Variants in NDUFAF6 observed in about 807,000 individuals in gnomAD.
NDUFAF6 encodes the protein NADH:ubiquinone oxidoreductase complex assembly factor 6.
A neutral mutation model predicts 40.8 loss-of-function variants in NDUFAF6; 45 were observed. The ratio of observed to expected loss-of-function variants is 1.10; its 90% CI spans 0.87 to 1.42. NDUFAF6 has a LOEUF of 1.42. Among genes scored for constraint, NDUFAF6 ranks in the 40% most tolerant of loss-of-function variants. The probability of loss-of-function intolerance (pLI) is 0.00; values close to 1 mark genes in which losing one functional copy is unlikely to be tolerated. For synonymous variants in NDUFAF6, 185 were observed against 155.9 expected (o/e 1.19, Z -1.39); for missense variants, 435 against 418.5 (o/e 1.04, Z -0.34).
At position 95,058,533 on chromosome 8, in the gene NDUFAF6, G is replaced by A; in HGVS notation, c.*596G>A. On this transcript the variant is annotated 3_prime_UTR_variant, in exon 9 of 9. Transcript: ENST00000396124. ...GGTTGGAGTGGCTGGCAAGAGCAGA[G>A]CCTTAATTTGACTTTAGCTCTGGCT... The A allele has an allele frequency of 8.2e-7, 1 of 1,222,654 alleles. No homozygotes were observed. The highest frequency in any genetic ancestry group is 1.0e-6 in the Non-Finnish European group (1 of 982,858). 75.7% of individuals were successfully genotyped at this position (1,222,654 alleles called of 1,614,324 possible).
chr8:94,985,622 G>A (rs1428108124), intron 2 of NDUFAF6, among the ~76,000 whole-genome samples: 6 of 129,430 alleles, frequency 4.6e-5, no homozygotes, highest in Admixed American at 1.7e-4. Context: ...TGCAACCTCC[G>A]CCTCCCAGGT....
At chr8:94,937,529 T>C (rs1484713501) in intron 1 of NDUFAF6, among the ~76,000 whole-genome samples, 1 of 152,036 alleles carries the variant, frequency 6.6e-6, no homozygotes, top group Admixed American at 6.6e-5. Context: ...TTTTCTGGTA[T>C]CTGAGGAAGA....
At chr8:94,951,252 C>T (rs566426136) in intron 2 of NDUFAF6, 1 of 152,378 alleles carries the variant, frequency 6.6e-6, no homozygotes, top group South Asian at 2.1e-4. Flanking sequence ...CCCAGCTGAG[C>T]TACCAGACAC....
intron 1 of NDUFAF6, among the ~76,000 whole-genome samples, chr8:94,935,636 C>T (rs1171748445): frequency 6.6e-6 from 1 of 152,052 alleles, no homozygotes; most frequent in Non-Finnish European, 1.5e-5. Context: ...GTAAAATGGT[C>T]GGGGTGGTGA....
At chr8:95,044,901 TC>T (rs1378518617) in intron 4 of NDUFAF6, among the ~76,000 whole-genome samples, 1 of 152,174 alleles carries the variant, frequency 6.6e-6, no homozygotes, top group African/African-American at 2.4e-5. Flanking sequence ...TATTAGATTC[TC>T]ATTTTTCTGT....
intron 2 of NDUFAF6, among the ~76,000 whole-genome samples, chr8:95,082,235 G>C (rs995020950): frequency 6.6e-6 from 1 of 152,190 alleles, no homozygotes; most frequent in African/African-American, 2.4e-5. Context: ...CCAGCACTTT[G>C]GGAGGCCGAG....
At chr8:95,117,914 A>G (rs1229168029), downstream of NDUFAF6, among the ~76,000 whole-genome samples, 1 of 152,192 alleles carries the variant, frequency 6.6e-6, no homozygotes, top group Admixed American at 6.5e-5. Context: ...CATGTGTTCA[A>G]ACTCCCCAAA....
At chr8:94,981,771 G>A (rs1825461702) in intron 2 of NDUFAF6, among the ~76,000 whole-genome samples, 1 of 152,046 alleles carries the variant, frequency 6.6e-6, no homozygotes, top group African/African-American at 2.4e-5. Flanking sequence ...TCTGATTCCT[G>A]ACCTCAACCA....
intron 7 of NDUFAF6, among the ~76,000 whole-genome samples, chr8:95,049,197 C>T (rs1291792186): frequency 3.3e-5 from 5 of 152,124 alleles, no homozygotes; most frequent in Non-Finnish European, 5.9e-5. Context: ...ATTTACAACT[C>T]GTTTTCCTGA....
chr8:95,059,723 C>A (rs1047360598), downstream of NDUFAF6, among the ~76,000 whole-genome samples: 6 of 152,078 alleles, frequency 3.9e-5, no homozygotes, highest in African/African-American at 1.4e-4. Context: ...GTGGTGGGAG[C>A]CTGTAGTCCC....
At chr8:94,929,377 C>T (rs1403906821) in intron 1 of NDUFAF6, 3 of 151,436 alleles carry the variant, frequency 2.0e-5, no homozygotes, top group East Asian at 1.9e-4. Flanking sequence ...AATGAAAAGT[C>T]ACTTGGACTG....
chr8:95,032,154 C>A, intron 2 of NDUFAF6, 60 bp downstream of exon 2: 3 of 1,353,724 alleles, frequency 2.2e-6, no homozygotes, highest in Non-Finnish European at 3.2e-6. Flanking sequence ...GTGTTTAATG[C>A]TGAACAATAA....
chr8:95,052,104 G>T, intron 7 of NDUFAF6, 70 bp from the exon 8 acceptor site: 2 of 1,413,622 alleles, frequency 1.4e-6, no homozygotes, highest in Non-Finnish European at 2.0e-6. Flanking sequence ...TAAACTGCTG[G>T]TGTTGCTTTC....
At chr8:95,041,239 AG>A (rs981866845) in intron 3 of NDUFAF6, among the ~76,000 whole-genome samples, 3 of 152,192 alleles carry the variant, frequency 2.0e-5, no homozygotes, top group Non-Finnish European at 2.9e-5. Flanking sequence ...TAAAAAAGTC[AG>A]GGTATATCAC....
chr8:94,976,394 C>T (rs1172008559), intron 1 of NDUFAF6, among the ~76,000 whole-genome samples: 2 of 145,000 alleles, frequency 1.4e-5, no homozygotes, highest in African/African-American at 5.0e-5. Context: ...ATCCCAGCTA[C>T]TTGGGTGGCT....
intron 7 of NDUFAF6, among the ~76,000 whole-genome samples, chr8:95,049,055 C>T (rs905431053): frequency 3.3e-5 from 5 of 152,112 alleles, no homozygotes; most frequent in South Asian, 2.1e-4. Context: ...AGGAGGTGGT[C>T]GGCATTCACT....
chr8:94,946,643 G>C (rs1272345967), intron 2 of NDUFAF6, among the ~76,000 whole-genome samples: 1 of 130,776 alleles, frequency 7.6e-6, no homozygotes. Flanking sequence ...GCTGCAGTGA[G>C]TTGTGATCCC....
chr8:94,961,524 C>T (rs908862880), intron 1 of NDUFAF6, among the ~76,000 whole-genome samples: 23 of 152,316 alleles, frequency 1.5e-4, no homozygotes, highest in African/African-American at 5.5e-4. Flanking sequence ...CGGGCTCCAG[C>T]GATTTTCCTG....
At chr8:94,913,876 C>T (rs1183327442) in intron 1 of NDUFAF6, among the ~76,000 whole-genome samples, 3 of 152,276 alleles carry the variant, frequency 2.0e-5, no homozygotes, top group Admixed American at 6.5e-5. Context: ...ACTGCAGCCT[C>T]TGCCTCCTGA....
Sources: allele counts gnomAD v4.1 joint callset (sites outside exome capture counted in the v4.1 genomes callset), GRCh38; gene constraint gnomAD v4.1.1; transcripts MANE v1.5; gene names NCBI Gene and HGNC (gene_info 2026-07-23, HGNC 2026-07-21).